Variants in SPAG16 observed in about 807,000 individuals in gnomAD.
SPAG16 encodes the protein sperm-associated antigen 16 protein.
In SPAG16, 86 loss-of-function variants were observed where a neutral mutation model predicts 80.4. That is an observed-to-expected ratio of 1.07 (90% CI 0.90 to 1.28). The LOEUF is 1.28. Among genes scored for constraint, SPAG16 ranks in the 50% most tolerant of loss-of-function variants. The probability of loss-of-function intolerance (pLI) is 0.00; values close to 1 mark genes in which losing one functional copy is unlikely to be tolerated. For missense variants in SPAG16, 870 were observed against 765.3 expected, an observed-to-expected ratio of 1.14 and a Z score of -1.61; for synonymous variants, 294 against 265.9, an observed-to-expected ratio of 1.11 and a Z score of -1.03.
intron 10 of SPAG16, among the ~76,000 whole-genome samples, chr2:213,683,982 G>A (rs144156518): frequency 3.0e-4 from 45 of 152,258 alleles, no homozygotes; most frequent in African/African-American, 9.4e-4. Context: ...GTGTAGTTTT[G>A]TAAGTTCTTT....
At chr2:213,773,282 T>C (rs897110725) in intron 10 of SPAG16, among the ~76,000 whole-genome samples, 1 of 152,214 alleles carries the variant, frequency 6.6e-6, no homozygotes, top group Non-Finnish European at 1.5e-5. Context: ...ATTCACACAC[T>C]CCCTTGAATC....
intron 14 of SPAG16, among the ~76,000 whole-genome samples, chr2:214,114,930 C>G (rs1360986356): frequency 1.3e-5 from 2 of 152,152 alleles, no homozygotes. Context: ...TCCTATTTGG[C>G]CATCTTGGAA....
intron 15 of SPAG16, among the ~76,000 whole-genome samples, chr2:214,340,893 G>A (rs1303143787): frequency 6.6e-6 from 1 of 152,128 alleles, no homozygotes; most frequent in African/African-American, 2.4e-5. Flanking sequence ...CCTAAGTGAA[G>A]GAGTCACCTT....
intron 15 of SPAG16, among the ~76,000 whole-genome samples, chr2:214,174,486 T>C (rs1243706833): frequency 4.0e-5 from 6 of 151,846 alleles, no homozygotes; most frequent in Admixed American, 6.6e-5. Context: ...CACAATTGCT[T>C]CAAAGAGAAT....
rs112304710 is a variant in SPAG16 at position 213,316,587 on chromosome 2, C to A, written c.399-632C>A. 8.9e-3 allele frequency among the ~76,000 whole-genome samples: 1,357 copies of A among 152,138 alleles called. 11 individuals carry two copies. The highest frequency in any genetic ancestry group is 0.03 in the African/African-American group (1,248 of 41,534). On this transcript the variant is annotated intron_variant, in intron 4 of 15. Coordinates refer to ENST00000331683, the MANE Select transcript of SPAG16 (RefSeq NM_024532.5). ...CCTGACTCATCTTTCACCATTCTCT[C>A]CTTGGTCACTTAGTTGGCTTCAGTT...
At chr2:213,418,944 C>G (rs1050719391) in intron 9 of SPAG16, among the ~76,000 whole-genome samples, 49 of 149,812 alleles carry the variant, frequency 3.3e-4, no homozygotes, top group African/African-American at 1.1e-3. Flanking sequence ...TTACTCTTAC[C>G]CAGTATTTGA....
intron 10 of SPAG16, among the ~76,000 whole-genome samples, chr2:213,511,523 AATT>A (rs1173370003): frequency 5.3e-5 from 8 of 152,168 alleles, no homozygotes; most frequent in Admixed American, 4.6e-4. Context: ...TCTATAGCAT[AATT>A]ATTATTTCCT....
At chr2:213,397,606 C>T (rs1432503517) in intron 9 of SPAG16, among the ~76,000 whole-genome samples, 1 of 152,204 alleles carries the variant, frequency 6.6e-6, no homozygotes, top group African/African-American at 2.4e-5. Flanking sequence ...CCTTCTAACT[C>T]TCTGAAGTTT....
intron 15 of SPAG16, among the ~76,000 whole-genome samples, chr2:214,193,260 G>A (rs1357621468): frequency 1.3e-5 from 2 of 152,110 alleles, no homozygotes; most frequent in East Asian, 1.9e-4. Flanking sequence ...GATGGGTGCT[G>A]TCCTGACCAG....
intron 10 of SPAG16, among the ~76,000 whole-genome samples, chr2:213,814,314 G>C (rs1005924035): frequency 7.2e-5 from 11 of 152,158 alleles, no homozygotes; most frequent in Admixed American, 6.5e-4. Flanking sequence ...CCTAATTATG[G>C]AGGGTGATCT....
At chr2:214,141,589 C>A (rs886237818) in intron 14 of SPAG16, among the ~76,000 whole-genome samples, 4 of 151,994 alleles carry the variant, frequency 2.6e-5, no homozygotes, top group African/African-American at 9.7e-5. Context: ...ATTAATACTT[C>A]TTTCCATAAG....
At chr2:213,588,173 G>C (rs752675723) in intron 10 of SPAG16, among the ~76,000 whole-genome samples, 1 of 151,944 alleles carries the variant, frequency 6.6e-6, no homozygotes, top group Non-Finnish European at 1.5e-5. Flanking sequence ...TATGTGAAAG[G>C]GATTTTTTTC....
intron 10 of SPAG16, among the ~76,000 whole-genome samples, chr2:213,590,684 G>A (rs969858958): frequency 1.4e-4 from 22 of 152,104 alleles, no homozygotes; most frequent in African/African-American, 4.3e-4. Context: ...AAAATGGAAC[G>A]CTTATGTGCT....
At chr2:213,894,493 T>TG (rs1177701480) in intron 11 of SPAG16, among the ~76,000 whole-genome samples, 1 of 152,042 alleles carries the variant, frequency 6.6e-6, no homozygotes, top group Non-Finnish European at 1.5e-5. Context: ...CTTTACTGAA[T>TG]GGGGGAAAAT....
At chr2:214,357,853 A>G (rs1698921645) in intron 15 of SPAG16, among the ~76,000 whole-genome samples, 1 of 151,952 alleles carries the variant, frequency 6.6e-6, no homozygotes, top group South Asian at 2.1e-4. Flanking sequence ...TTCTGCAGGT[A>G]TCTAGGGATG....
intron 10 of SPAG16, among the ~76,000 whole-genome samples, chr2:213,742,890 C>T (rs945612421): frequency 2.9e-4 from 43 of 147,682 alleles, no homozygotes; most frequent in African/African-American, 1.1e-3. Flanking sequence ...ACAAATTTGC[C>T]AGTATTTAAC....
At chr2:214,186,449 T>C (rs943382465) in intron 15 of SPAG16, among the ~76,000 whole-genome samples, 1 of 151,256 alleles carries the variant, frequency 6.6e-6, no homozygotes, top group African/African-American at 2.4e-5. Context: ...GAATGAGGAG[T>C]GAAGATGATG....
chr2:214,153,889 G>A (rs1453036256), intron 15 of SPAG16, among the ~76,000 whole-genome samples: 1 of 151,836 alleles, frequency 6.6e-6, no homozygotes, highest in East Asian at 1.9e-4. Context: ...AGTTGTATGT[G>A]GCACAGCATT....
intron 13 of SPAG16, among the ~76,000 whole-genome samples, chr2:214,060,652 A>C (rs2050214604): frequency 6.6e-6 from 1 of 152,172 alleles, no homozygotes. Flanking sequence ...CTTGATTGGA[A>C]TATTTAGCAC....
Sources: gnomAD v4.1 joint callset for allele counts (sites outside exome capture counted in the v4.1 genomes callset) on GRCh38, gnomAD v4.1.1 for gene constraint, MANE v1.5 for transcripts, NCBI Gene and HGNC (gene_info 2026-07-23, HGNC 2026-07-21) for gene names.